Variants in TBC1D30 observed in about 807,000 individuals in gnomAD.
TBC1D30 encodes the protein TBC1 domain family member 30.
Under a neutral mutation model 63.2 loss-of-function variants are expected in TBC1D30, and 31 were observed. That is an observed-to-expected ratio of 0.49 (90% CI 0.37 to 0.66). The LOEUF (loss-of-function observed/expected upper bound fraction) is 0.66. TBC1D30 is among the 30% of genes least tolerant of loss of function. TBC1D30 has a pLI of 0.00. For synonymous variants in TBC1D30, 307 were observed against 361.5 expected, an observed-to-expected ratio of 0.85 and a Z score of 1.71; for missense variants, 810 against 953.6, an observed-to-expected ratio of 0.85 and a Z score of 1.98.
chr12:64,845,005 A>C (rs1290961032), intron 8 of TBC1D30, among the ~76,000 whole-genome samples: 1 of 151,882 alleles, frequency 6.6e-6, no homozygotes, highest in Non-Finnish European at 1.5e-5. Context: ...CATTTTCTTT[A>C]TCCGTTCATT....
chr12:64,808,659 C>T (rs527444389), intron 2 of TBC1D30, among the ~76,000 whole-genome samples: 7 of 152,220 alleles, frequency 4.6e-5, no homozygotes, highest in South Asian at 4.1e-4. Flanking sequence ...GGTACAGTCA[C>T]GCTGTGCATT....
chr12:64,769,626 T>C (rs1168289655), intron 1 of TBC1D30, among the ~76,000 whole-genome samples: 4 of 151,378 alleles, frequency 2.6e-5, no homozygotes, highest in Non-Finnish European at 5.9e-5. Flanking sequence ...GACCTCGTGA[T>C]CTGCCCGCCT....
At chr12:64,871,800 C>T (rs1000850995) in intron 11 of TBC1D30, among the ~76,000 whole-genome samples, 2 of 152,158 alleles carry the variant, frequency 1.3e-5, no homozygotes, top group African/African-American at 4.8e-5. Flanking sequence ...AGCAATTGTC[C>T]AGGGTTATAT....
intron 2 of TBC1D30, among the ~76,000 whole-genome samples, chr12:64,813,188 G>C (rs1282692468): frequency 1.3e-5 from 2 of 152,104 alleles, no homozygotes; most frequent in Non-Finnish European, 2.9e-5. Flanking sequence ...CCAGGAGTTT[G>C]AGACTAGCCT....
chr12:64,836,504 T>A lies in TBC1D30; in HGVS notation c.609T>A (p.Leu203=), dbSNP rs1342867614. ...EGDALKIMIY[L]IDKVLPESYF... ...TTTTTCTTTAGATTATGATTTACCT[T>A]ATTGATAAGGTACTTCCCGAAAGCT... The change falls in exon 6 of 12, where the codon CTT becomes CTA. Residue 203 remains leucine (L), a synonymous_variant. Coordinates refer to ENST00000539867, the MANE Select transcript of TBC1D30 (RefSeq NM_015279.2). 6.5e-7 allele frequency: 1 copy of A among 1,535,658 alleles called. No individual in the cohort carries two copies. The highest frequency in any genetic ancestry group is 1.4e-5 in the African/African-American group (1 of 73,046).
chr12:64,873,254 A>G (rs1878793852), intron 11 of TBC1D30, among the ~76,000 whole-genome samples: 1 of 152,080 alleles, frequency 6.6e-6, no homozygotes, highest in Non-Finnish European at 1.5e-5. Context: ...ATTGGGGGAA[A>G]GTTGTTTGGT....
At chr12:64,786,427 G>C (rs190876493) in intron 2 of TBC1D30, among the ~76,000 whole-genome samples, 3 of 151,996 alleles carry the variant, frequency 2.0e-5, no homozygotes, top group Non-Finnish European at 4.4e-5. Flanking sequence ...CGCCTCCCAG[G>C]TTCAGGCAAT....
In TBC1D30 at chr12:64,827,824, T is replaced by C. The variant is rs1034951499; in HGVS notation, c.155-11T>C. ...CCAAAAATAACATCTATTTATGTAT[T>C]TTTCTTTCAGGAGTTGATACCAAGT... On this transcript the variant is annotated splice_polypyrimidine_tract_variant and intron_variant, in intron 1 of 11. Transcript: ENST00000539867. The C allele has an allele frequency of 1.2e-5, 18 of 1,524,540 alleles. No individual in the cohort carries two copies. Among genetic ancestry groups the C allele is most frequent in the Non-Finnish European group, 1.5e-5 (17 of 1,138,610 alleles). 94.4% of individuals were successfully genotyped at this position (1,524,540 alleles called of 1,614,324 possible).
At chr12:64,870,857 A>T in intron 11 of TBC1D30, 49 bp downstream of exon 11, 2 of 1,518,100 alleles carry the variant, frequency 1.3e-6, no homozygotes, top group Non-Finnish European at 8.8e-7. Flanking sequence ...CTCAACTTGT[A>T]AAATGAAGAA....
In TBC1D30 at chr12:64,824,755, T is replaced by A. The variant is rs1050741250; in HGVS notation, c.-125T>A. On this transcript the variant is annotated 5_prime_UTR_variant, in exon 1 of 12. Transcript: ENST00000539867. ...CCTCCAGCACCAGCCGGCTGTGCGC[T>A]CCCTGCTCCCACGGGCCGGTCAGCC... The A allele has an allele frequency of 4.1e-5, 54 of 1,325,466 alleles. No homozygotes were observed. The highest frequency in any genetic ancestry group is 5.3e-5 in the Non-Finnish European group (53 of 998,822). 82.1% of individuals were successfully genotyped at this position (1,325,466 alleles called of 1,614,324 possible).
chr12:64,864,402 A>G (rs1878041904), intron 8 of TBC1D30, among the ~76,000 whole-genome samples: 1 of 152,318 alleles, frequency 6.6e-6, no homozygotes, highest in South Asian at 2.1e-4. Context: ...AGGAAATCAG[A>G]CTGCCCGTGA....
chr12:64,848,299 A>G (rs916722676), intron 8 of TBC1D30, among the ~76,000 whole-genome samples: 1 of 151,026 alleles, frequency 6.6e-6, no homozygotes, highest in Non-Finnish European at 1.5e-5. Flanking sequence ...GTATACTTTA[A>G]GTTCTGGGAT....
intron 2 of TBC1D30, among the ~76,000 whole-genome samples, chr12:64,808,697 G>A (rs991313679): frequency 4.6e-5 from 7 of 152,092 alleles, no homozygotes; most frequent in Non-Finnish European, 1.0e-4. Flanking sequence ...TTTTCATCTT[G>A]CAAAATTGAA....
Position 64,876,600 on chromosome 12 carries a change from A to T in TBC1D30, c.*812A>T, listed in dbSNP as rs1879102008. The T allele has an allele frequency of 1.7e-5, 6 of 354,530 alleles. No individual in the cohort carries two copies. The highest frequency in any genetic ancestry group is 7.4e-5 in the East Asian group (1 of 13,542). 22.0% of individuals were successfully genotyped at this position (354,530 alleles called of 1,614,324 possible). The stretch of plus-strand genomic sequence containing the variant: ...TGGTACGGATGACTTGATGGGCTCC[A>T]TGCGGAGCCTGGCCTGCATCCCCCA... On this transcript the variant is annotated 3_prime_UTR_variant, in exon 12 of 12. Transcript: ENST00000539867.
chr12:64,856,504 A>T lies in TBC1D30; in HGVS notation c.1039-8164A>T, dbSNP rs182835719. 2.8e-5 allele frequency among the ~76,000 whole-genome samples: 3 copies of T among 107,978 alleles called. No homozygotes were observed. The East Asian group carries it at 5.8e-4, about 21-fold the overall frequency. The allele number at this position is 107,978 out of a possible 152,430, so 70.8% of individuals were successfully genotyped here. A position where few individuals can be genotyped will look rare whatever the true frequency, so the allele number is the denominator to read the frequency against. ...TCTCTGGATTACCAGGCAGAGACTC[A>T]TTCTTTTCCTTTAATTTCTCTGAAA... On this transcript the variant is annotated intron_variant, in intron 8 of 11. Coordinates refer to ENST00000539867, the MANE Select transcript of TBC1D30 (RefSeq NM_015279.2).
intron 2 of TBC1D30, 140 bp downstream of exon 2, chr12:64,828,036 T>TCAAAAGCTAC: frequency 1.5e-6 from 1 of 689,004 alleles, no homozygotes; most frequent in Non-Finnish European, 2.4e-6. Flanking sequence ...TTAAAGTAGC[T>TCAAAAGCTAC]TTTGAGCTAC....
intron 10 of TBC1D30, among the ~76,000 whole-genome samples, chr12:64,867,336 T>A (rs1878305825): frequency 6.6e-6 from 1 of 151,926 alleles, no homozygotes; most frequent in Non-Finnish European, 1.5e-5. Flanking sequence ...GGTGCGTGCC[T>A]GTAGTCCCAG....
At chr12:64,845,173 G>GT (rs1375448388) in intron 8 of TBC1D30, among the ~76,000 whole-genome samples, 3 of 151,754 alleles carry the variant, frequency 2.0e-5, no homozygotes, top group Non-Finnish European at 4.4e-5. Flanking sequence ...TCTAATTTTA[G>GT]TTTTTTTTGA....
At chr12:64,872,377 T>A (rs892011414) in intron 11 of TBC1D30, among the ~76,000 whole-genome samples, 1 of 152,194 alleles carries the variant, frequency 6.6e-6, no homozygotes, top group African/African-American at 2.4e-5. Flanking sequence ...GTTTACAGGT[T>A]GTCTAAGGCT....
Sources: gnomAD v4.1 joint callset for allele counts (sites outside exome capture counted in the v4.1 genomes callset) on GRCh38, gnomAD v4.1.1 for gene constraint, MANE v1.5 for transcripts, NCBI Gene and HGNC (gene_info 2026-07-23, HGNC 2026-07-21) for gene names.